CDH18: variants seen among roughly 807,000 people sequenced by gnomAD.
The protein encoded by CDH18 is cadherin 18.
A neutral mutation model predicts 67.9 loss-of-function variants in CDH18; 31 were observed. That is an observed-to-expected ratio of 0.46 (90% confidence interval 0.34 to 0.62). The LOEUF (loss-of-function observed/expected upper bound fraction) is 0.62, where lower values mean the gene tolerates loss of function less well. CDH18 is among the 20% of genes least tolerant of loss of function. CDH18 has a pLI of 0.01. For missense variants in CDH18, 890 were observed against 975.5 expected, an observed-to-expected ratio of 0.91 and a Z score of 1.17; for synonymous variants, 362 against 347.2, an observed-to-expected ratio of 1.04 and a Z score of -0.48.
At chr5:19,683,472 T>C (rs774218161) in intron 5 of CDH18, among the ~76,000 whole-genome samples, 3 of 152,026 alleles carry the variant, frequency 2.0e-5, no homozygotes, top group Non-Finnish European at 2.9e-5. Flanking sequence ...CTTGCTAGGA[T>C]GGGGATTAAA....
chr5:20,311,107 A>C (rs188269882), intron 1 of CDH18, among the ~76,000 whole-genome samples: 34 of 152,226 alleles, frequency 2.2e-4, no homozygotes, highest in African/African-American at 7.9e-4. Context: ...AACAAAAACA[A>C]ACAAAAAAAA....
chr5:19,696,879 T>C (rs1206496841), intron 5 of CDH18, among the ~76,000 whole-genome samples: 1 of 152,172 alleles, frequency 6.6e-6, no homozygotes, highest in Non-Finnish European at 1.5e-5. Flanking sequence ...TTCATTTGAA[T>C]AACTGTGAGT....
At chr5:19,810,149 G>A (rs1448263930) in intron 3 of CDH18, among the ~76,000 whole-genome samples, 1 of 151,936 alleles carries the variant, frequency 6.6e-6, no homozygotes, top group Non-Finnish European at 1.5e-5. Flanking sequence ...GGCCAACATG[G>A]TGAAACCCCA....
chr5:19,601,911 A>T (rs1209529167), intron 6 of CDH18, among the ~76,000 whole-genome samples: 3 of 152,036 alleles, frequency 2.0e-5, no homozygotes, highest in Non-Finnish European at 4.4e-5. Flanking sequence ...TTTATGATTT[A>T]AAAAAACATA....
chr5:20,113,764 T>C (rs1035270567), intron 2 of CDH18, among the ~76,000 whole-genome samples: 1 of 152,164 alleles, frequency 6.6e-6, no homozygotes, highest in African/African-American at 2.4e-5. Context: ...TAGGGAAATA[T>C]TGACAAAGCA....
chr5:20,169,581 T>C (rs1190123093), intron 2 of CDH18, among the ~76,000 whole-genome samples: 1 of 152,150 alleles, frequency 6.6e-6, no homozygotes, highest in Admixed American at 6.6e-5. Context: ...GGTTTCATAA[T>C]TGTCACACTA....
chr5:19,473,498 G>A lies in CDH18; in HGVS notation c.2101C>T (p.His701Tyr), dbSNP rs1737906819. ...IRPEVKLTPR[H>Y]QTSSTLESID... ...CTTTCCAGGGTGGATGATGTCTGGTGTCTGGGAGTGAGCTTCACTTCAGGT... is the reference window on the plus strand; with the variant it reads ...CTTTCCAGGGTGGATGATGTCTGGTATCTGGGAGTGAGCTTCACTTCAGGT... The change falls in exon 13 of 13, where the codon CAC becomes TAC. Residue 701 changes from histidine to tyrosine, a missense_variant. By Grantham distance (83) the His-to-Tyr change is moderately conservative. Coordinates refer to ENST00000382275, the MANE Select transcript of CDH18 (RefSeq NM_004934.5). 2 of 1,613,650 alleles carry A rather than the reference G, an allele frequency of 1.2e-6. No individual in the cohort carries two copies. Among genetic ancestry groups the A allele is most frequent in the African/African-American group, 1.3e-5 (1 of 74,894 alleles).
At chr5:19,502,776 T>C (rs1044579917) in intron 11 of CDH18, 1 of 555,620 alleles carries the variant, frequency 1.8e-6, no homozygotes, top group African/African-American at 1.9e-5. Flanking sequence ...ACATTTCTTG[T>C]TTAAAGAGAT....
At chr5:19,753,956 A>G (rs1771192011) in intron 3 of CDH18, among the ~76,000 whole-genome samples, 1 of 152,192 alleles carries the variant, frequency 6.6e-6, no homozygotes, top group South Asian at 2.1e-4. Flanking sequence ...CCAAGCCACC[A>G]CTACAAGAAC....
At chr5:19,473,837 G>T in intron 12 of CDH18, 121 bp from the exon 13 acceptor site, 5 of 799,088 alleles carry the variant, frequency 6.3e-6, no homozygotes, top group Non-Finnish European at 1.0e-5. Flanking sequence ...AGTTAGGCTG[G>T]CATTGCAGCA....
At chr5:19,859,602 C>A (rs1385358153) in intron 2 of CDH18, among the ~76,000 whole-genome samples, 1 of 152,070 alleles carries the variant, frequency 6.6e-6, no homozygotes, top group East Asian at 1.9e-4. Flanking sequence ...TTATCCTAAC[C>A]CAGACATTTC....
intron 2 of CDH18, among the ~76,000 whole-genome samples, chr5:20,188,490 CATCATT>C (rs1738278529): frequency 6.6e-6 from 1 of 151,958 alleles, no homozygotes; most frequent in African/African-American, 2.4e-5. Context: ...TCATCATCAT[CATCATT>C]ATCTTCATCA....
chr5:19,591,391 CTA>C (rs1745111647), intron 6 of CDH18, 147 bp from the exon 7 acceptor site: 2 of 449,120 alleles, frequency 4.5e-6, no homozygotes, highest in Non-Finnish European at 7.6e-6. Context: ...TAAAAGTAGA[CTA>C]TTTTGTAATT....
intron 2 of CDH18, among the ~76,000 whole-genome samples, chr5:20,175,283 A>T (rs1307275197): frequency 6.6e-6 from 1 of 151,882 alleles, no homozygotes; most frequent in African/African-American, 2.4e-5. Flanking sequence ...GGTGCTAAAA[A>T]CCCCATACTC....
At chr5:19,533,574 C>T (rs528068704) in intron 9 of CDH18, among the ~76,000 whole-genome samples, 2 of 152,156 alleles carry the variant, frequency 1.3e-5, no homozygotes, top group Non-Finnish European at 2.9e-5. Context: ...GAAAATAAAG[C>T]ATGTTTTTGA....
chr5:20,442,580 G>C (rs1419371433), intron 1 of CDH18, among the ~76,000 whole-genome samples: 2 of 151,832 alleles, frequency 1.3e-5, no homozygotes, highest in Non-Finnish European at 2.9e-5. Flanking sequence ...AAAAGTAACA[G>C]TCACCTCCTC....
At chr5:20,081,940 A>T (rs1489517144) in intron 2 of CDH18, among the ~76,000 whole-genome samples, 1 of 152,164 alleles carries the variant, frequency 6.6e-6, no homozygotes, top group African/African-American at 2.4e-5. Context: ...CTGAACCTAA[A>T]ATAAGAGTTG....
intron 5 of CDH18, among the ~76,000 whole-genome samples, chr5:19,617,864 T>A (rs1208259385): frequency 1.3e-5 from 2 of 152,196 alleles, no homozygotes; most frequent in Non-Finnish European, 2.9e-5. Context: ...TGAAAATGCA[T>A]CTGTGATTAT....
intron 11 of CDH18, among the ~76,000 whole-genome samples, chr5:19,483,980 G>A (rs1023389846): frequency 6.6e-5 from 10 of 152,136 alleles, no homozygotes; most frequent in Non-Finnish European, 1.3e-4. Flanking sequence ...AAACTACTGA[G>A]GTGAAGTTGA....
Sources: gnomAD v4.1 joint callset for allele counts (sites outside exome capture counted in the v4.1 genomes callset) on GRCh38, gnomAD v4.1.1 for gene constraint, MANE v1.5 for transcripts, NCBI Gene and HGNC (gene_info 2026-07-23, HGNC 2026-07-21) for gene names.